SPAG16: variants seen among roughly 807,000 people sequenced by gnomAD.
SPAG16 encodes sperm associated antigen 16.
SPAG16 carries 86 observed loss-of-function variants against 80.4 expected under a neutral mutation model. The ratio of observed to expected loss-of-function variants is 1.07; its 90% CI spans 0.90 to 1.28. The LOEUF is 1.28. Ranked by LOEUF, SPAG16 falls within the 50% of genes most tolerant of loss-of-function variation. The pLI, the probability that SPAG16 is intolerant of heterozygous loss-of-function variation, is 0.00. For missense variants in SPAG16, 870 were observed against 765.3 expected, an observed-to-expected ratio of 1.14 and a Z score of -1.61; for synonymous variants, 294 against 265.9, an observed-to-expected ratio of 1.11 and a Z score of -1.03.
At chr2:213,784,801 T>C (rs1355882432) in intron 10 of SPAG16, among the ~76,000 whole-genome samples, 1 of 149,346 alleles carries the variant, frequency 6.7e-6, no homozygotes, top group East Asian at 2.0e-4. Flanking sequence ...AAGTTTATTA[T>C]TTTTTTTTTG....
chr2:213,527,246 T>C (rs1423690474), intron 10 of SPAG16, among the ~76,000 whole-genome samples: 1 of 152,180 alleles, frequency 6.6e-6, no homozygotes, highest in African/African-American at 2.4e-5. Flanking sequence ...ATCTCATATT[T>C]TTCAGGGTTC....
At chr2:213,459,937 G>T (rs1463334826) in intron 9 of SPAG16, among the ~76,000 whole-genome samples, 3 of 152,148 alleles carry the variant, frequency 2.0e-5, no homozygotes, top group Non-Finnish European at 4.4e-5. Flanking sequence ...TTCTGTAATT[G>T]TGTGTAGATT....
intron 13 of SPAG16, among the ~76,000 whole-genome samples, chr2:214,053,574 C>A (rs185360783): frequency 4.2e-4 from 64 of 152,270 alleles, no homozygotes; most frequent in Non-Finnish European, 6.8e-4. Context: ...ACAACCAATT[C>A]ACTCAACAGG....
intron 10 of SPAG16, among the ~76,000 whole-genome samples, chr2:213,668,545 T>G (rs1293598097): frequency 6.6e-6 from 1 of 152,220 alleles, no homozygotes; most frequent in African/African-American, 2.4e-5. Context: ...TTCACTCTTA[T>G]GTAATTAATA....
chr2:213,560,759 C>A (rs182379696), intron 10 of SPAG16, among the ~76,000 whole-genome samples: 183 of 152,228 alleles, frequency 1.2e-3, no homozygotes, highest in Non-Finnish European at 2.1e-3. Context: ...AGTTTATTTT[C>A]TTTTTATAAA....
chr2:214,144,949 G>GA (rs1576341667), intron 14 of SPAG16, among the ~76,000 whole-genome samples: 1 of 151,812 alleles, frequency 6.6e-6, no homozygotes, highest in East Asian at 1.9e-4. Flanking sequence ...GACTTTCATA[G>GA]AAAAAATTAT....
At chr2:214,117,530 A>G (rs1234072186) in intron 14 of SPAG16, among the ~76,000 whole-genome samples, 2 of 152,164 alleles carry the variant, frequency 1.3e-5, no homozygotes, top group Non-Finnish European at 1.5e-5. Flanking sequence ...TACCAAAACC[A>G]GACAAGGACC....
intron 15 of SPAG16, among the ~76,000 whole-genome samples, chr2:214,277,438 C>G (rs1692555513): frequency 6.6e-6 from 1 of 152,124 alleles, no homozygotes. Flanking sequence ...TACCTTTGGT[C>G]TTTGATGTTA....
chr2:213,367,527 T>C (rs1279395154), intron 8 of SPAG16, among the ~76,000 whole-genome samples: 1 of 152,296 alleles, frequency 6.6e-6, no homozygotes, highest in African/African-American at 2.4e-5. Context: ...TTTGCATTTC[T>C]CTGATGGCCA....
chr2:213,440,885 G>A (rs6756467), intron 9 of SPAG16, among the ~76,000 whole-genome samples: 3,908 of 152,208 alleles, frequency 0.026, 165 homozygotes, highest in African/African-American at 0.088. Context: ...AAGAGCAAAG[G>A]TAAATGAATT....
At chr2:213,989,517 G>T (rs1231783863) in intron 12 of SPAG16, among the ~76,000 whole-genome samples, 1 of 152,004 alleles carries the variant, frequency 6.6e-6, no homozygotes, top group Non-Finnish European at 1.5e-5. Context: ...ATTTGAGCAT[G>T]CCCTTACTAA....
At chr2:213,735,206 G>A (rs1028907088) in intron 10 of SPAG16, among the ~76,000 whole-genome samples, 2 of 152,088 alleles carry the variant, frequency 1.3e-5, no homozygotes, top group African/African-American at 4.8e-5. Flanking sequence ...AACTAAATAT[G>A]TAGGTGCTGG....
chr2:213,806,129 T>C (rs562038257), intron 10 of SPAG16, among the ~76,000 whole-genome samples: 7 of 152,286 alleles, frequency 4.6e-5, no homozygotes, highest in African/African-American at 1.4e-4. Context: ...AGCACACACA[T>C]ATCAATGTTC....
intron 10 of SPAG16, among the ~76,000 whole-genome samples, chr2:213,640,002 T>C (rs892749794): frequency 6.6e-6 from 1 of 152,184 alleles, no homozygotes; most frequent in African/African-American, 2.4e-5. Context: ...GCTCTGAAGG[T>C]CTTCCTTTTA....
At position 214,082,531 on chromosome 2, in the gene SPAG16, G is replaced by A. The variant is rs550504406; in HGVS notation, c.1528-25665G>A. Among the ~76,000 whole-genome samples the A allele has an allele frequency of 2.0e-5, 3 of 152,092 alleles. No homozygotes were observed. In the South Asian group the frequency reaches 6.3e-4, roughly 32 times the overall value. ...CTACTTCTGCCCTCTTCTCTTCCTT[G>A]TCCTATCCATCTTTCTGTCTTCAGG... On this transcript the variant is annotated intron_variant, in intron 13 of 15. Transcript: ENST00000331683.
At chr2:214,235,433 A>C (rs1173789903) in intron 15 of SPAG16, among the ~76,000 whole-genome samples, 1 of 152,188 alleles carries the variant, frequency 6.6e-6, no homozygotes, top group African/African-American at 2.4e-5. Flanking sequence ...TAGAAGGTAA[A>C]GAATTTAATG....
At chr2:214,172,223 C>G (rs900520185) in intron 15 of SPAG16, among the ~76,000 whole-genome samples, 4 of 151,942 alleles carry the variant, frequency 2.6e-5, no homozygotes, top group African/African-American at 9.7e-5. Context: ...TTAGGTATAT[C>G]TCCTAATGCT....
intron 15 of SPAG16, among the ~76,000 whole-genome samples, chr2:214,211,067 AC>A: frequency 6.6e-6 from 1 of 152,246 alleles, no homozygotes; most frequent in East Asian, 1.9e-4. Flanking sequence ...TAATATTGCT[AC>A]TCACTTGTTT....
At chr2:214,289,371 T>C (rs1445867206) in intron 15 of SPAG16, among the ~76,000 whole-genome samples, 1 of 152,198 alleles carries the variant, frequency 6.6e-6, no homozygotes, top group African/African-American at 2.4e-5. Flanking sequence ...CAGTTCCAGG[T>C]CTAATGTTTA....
Sources: allele counts gnomAD v4.1 joint callset (sites outside exome capture counted in the v4.1 genomes callset), GRCh38; gene constraint gnomAD v4.1.1; transcripts MANE v1.5; gene names NCBI Gene and HGNC (gene_info 2026-07-23, HGNC 2026-07-21).